RELN: variants seen among roughly 807,000 people sequenced by gnomAD.
The protein encoded by RELN is reelin.
RELN carries 108 observed loss-of-function variants against 427.6 expected under a neutral mutation model. The ratio of observed to expected loss-of-function variants is 0.25; its 90% CI spans 0.22 to 0.30. RELN has a LOEUF of 0.30. RELN is among the 10% of genes least tolerant of loss of function. The pLI, the probability that RELN is intolerant of heterozygous loss-of-function variation, is 1.00. For missense variants in RELN, 3,715 were observed against 4,302.8 expected (o/e 0.86, Z 3.82); for synonymous variants, 1,524 against 1,513.4 (o/e 1.01, Z -0.16).
chr7:103,727,191 T>C (rs1240940355), intron 7 of RELN, among the ~76,000 whole-genome samples: 4 of 152,094 alleles, frequency 2.6e-5, no homozygotes, highest in Non-Finnish European at 5.9e-5. Flanking sequence ...CTTTTAAAGT[T>C]AATGATTTTG....
intron 2 of RELN, among the ~76,000 whole-genome samples, chr7:103,875,735 C>T (rs1254623444): frequency 6.6e-6 from 1 of 151,944 alleles, no homozygotes; most frequent in Non-Finnish European, 1.5e-5. Context: ...TCAAAGATTG[C>T]AACCAGTTAA....
chr7:103,721,111 T>A (rs1790065107), intron 8 of RELN, among the ~76,000 whole-genome samples: 1 of 152,174 alleles, frequency 6.6e-6, no homozygotes, highest in Admixed American at 6.6e-5. Flanking sequence ...ATGTTAAAAT[T>A]TCACTTCTGG....
At position 103,776,129 on chromosome 7, in the gene RELN, C is replaced by T. The variant is rs563575113; in HGVS notation, c.544+428G>A. On this transcript the variant is annotated intron_variant, in intron 4 of 64. Transcript: ENST00000428762. ...CCACACAAGTCCGAAATTAATAGTGCACACAGTTGAAACAGGCCCATAGAT... is the reference window on the plus strand; with the variant it reads ...CCACACAAGTCCGAAATTAATAGTGTACACAGTTGAAACAGGCCCATAGAT... Among the ~76,000 whole-genome samples the T allele has an allele frequency of 1.5e-4, 23 of 152,252 alleles. No individual in the cohort carries two copies. In the South Asian group the frequency reaches 3.7e-3, roughly 25 times the overall value.
At chr7:103,558,206 CT>C (rs1176087125) in intron 36 of RELN, among the ~76,000 whole-genome samples, 157 bp from the exon 37 acceptor site, 1 of 152,102 alleles carries the variant, frequency 6.6e-6, no homozygotes, top group African/African-American at 2.4e-5. Context: ...TGGGATGATC[CT>C]TGTTTCCCCT....
chr7:103,877,455 A>G (rs751456415), intron 2 of RELN, among the ~76,000 whole-genome samples: 64 of 152,094 alleles, frequency 4.2e-4, no homozygotes, highest in Non-Finnish European at 7.8e-4. Context: ...CCAAAATTGT[A>G]GATTTTATTT....
intron 20 of RELN, among the ~76,000 whole-genome samples, chr7:103,628,907 A>G (rs1161440233): frequency 6.6e-6 from 1 of 152,176 alleles, no homozygotes; most frequent in African/African-American, 2.4e-5. Context: ...AGAAGACCCT[A>G]AAAGATCTGG....
chr7:103,833,523 C>CT lies in RELN; in HGVS notation c.473+13dup. 1 of 1,612,970 alleles carries CT rather than the reference C, an allele frequency of 6.2e-7. No individual in the cohort carries two copies. The highest frequency in any genetic ancestry group is 8.5e-7 in the Non-Finnish European group (1 of 1,178,988). ...TTGCCTTCTGTACGTATGGCAGACA[C>CT]TTTGGGTACTTACATGAAATTCACA... On this transcript the variant is annotated intron_variant, in intron 3 of 64. Coordinates refer to ENST00000428762, the MANE Select transcript of RELN (RefSeq NM_005045.4).
intron 2 of RELN, 111 bp downstream of exon 2, chr7:103,916,964 A>G (rs1795494587): frequency 1.2e-6 from 1 of 854,580 alleles, no homozygotes; most frequent in Non-Finnish European, 2.0e-6. Context: ...ACTTCAGATT[A>G]TTTTCTTGGA....
At chr7:103,770,994 A>C (rs1024421890) in intron 4 of RELN, among the ~76,000 whole-genome samples, 3 of 147,264 alleles carry the variant, frequency 2.0e-5, no homozygotes, top group Non-Finnish European at 3.0e-5. Context: ...GGCTCACTGC[A>C]ACCTCTGCCT....
intron 6 of RELN, among the ~76,000 whole-genome samples, chr7:103,744,364 A>T (rs1007276270): frequency 3.3e-5 from 5 of 152,070 alleles, no homozygotes; most frequent in East Asian, 1.9e-4. Flanking sequence ...CTAGAAAAGC[A>T]AGAGCAAACA....
chr7:103,787,952 C>T (rs570151557), intron 3 of RELN, among the ~76,000 whole-genome samples: 231 of 152,186 alleles, frequency 1.5e-3, no homozygotes, highest in African/African-American at 5.3e-3. Context: ...ACTGGCAAAC[C>T]GAATCCAGCA....
At chr7:103,684,616 G>A (rs567169460) in intron 10 of RELN, among the ~76,000 whole-genome samples, 2 of 152,264 alleles carry the variant, frequency 1.3e-5, no homozygotes, top group South Asian at 4.1e-4. Flanking sequence ...TAGAAAGCGT[G>A]TTGAAATATT....
intron 51 of RELN, chr7:103,504,647 G>A (rs963536998): frequency 6.6e-6 from 1 of 152,456 alleles, no homozygotes; most frequent in Non-Finnish European, 1.5e-5. Context: ...AAGGGGTCGG[G>A]GGATTTCCCT....
intron 6 of RELN, among the ~76,000 whole-genome samples, chr7:103,741,590 G>A (rs888828262): frequency 2.0e-5 from 3 of 151,602 alleles, no homozygotes; most frequent in African/African-American, 4.9e-5. Flanking sequence ...GGAGGGTGAG[G>A]GGAAGTAAAA....
intron 10 of RELN, among the ~76,000 whole-genome samples, chr7:103,690,412 G>A (rs1246709266): frequency 3.3e-5 from 5 of 152,042 alleles, no homozygotes; most frequent in Admixed American, 2.0e-4. Context: ...TGTGCCTTTC[G>A]TTCTTAAATG....
intron 8 of RELN, among the ~76,000 whole-genome samples, chr7:103,712,475 T>C (rs1789829704): frequency 6.6e-6 from 1 of 152,218 alleles, no homozygotes; most frequent in Non-Finnish European, 1.5e-5. Context: ...CCCTTGAGGT[T>C]AGATGAATTC....
At chr7:103,582,986 C>T (rs188596359) in intron 28 of RELN, among the ~76,000 whole-genome samples, 42 of 152,264 alleles carry the variant, frequency 2.8e-4, no homozygotes, top group Non-Finnish European at 4.1e-4. Context: ...CAAGCTTCCA[C>T]GGAGCCAGAA....
chr7:103,592,117 G>C (rs575746833), intron 27 of RELN, among the ~76,000 whole-genome samples: 2 of 152,104 alleles, frequency 1.3e-5, no homozygotes, highest in Non-Finnish European at 2.9e-5. Flanking sequence ...GGAGTTTGCT[G>C]TACAGATCAC....
rs1481286928 is a variant in RELN, at chr7:103,824,428, C to T, written c.473+9109G>A. On this transcript the variant is annotated intron_variant, in intron 3 of 64. Transcript: ENST00000428762. The surrounding 1 kb of genome is among the most constrained non-coding windows in gnomAD (Gnocchi z 4.4). ...GTGGGCCCAGTTCCAGCTCAGTCTC[C>T]TTTATTATCTCCTGCTGTCTTTTAA... is the stretch of plus-strand genomic sequence containing the variant. Among the ~76,000 whole-genome samples the T allele has an allele frequency of 6.6e-6, 1 of 152,044 alleles. No homozygotes were observed. Among genetic ancestry groups the T allele is most frequent in the Non-Finnish European group, 1.5e-5 (1 of 68,012 alleles).
Sources: gnomAD v4.1 joint callset for allele counts (sites outside exome capture counted in the v4.1 genomes callset) on GRCh38, gnomAD v4.1.1 for gene constraint, Gnocchi (gnomAD v3.1) non-coding constraint, MANE v1.5 for transcripts, NCBI Gene and HGNC (gene_info 2026-07-23, HGNC 2026-07-21) for gene names.